PHLPP2: variants seen among roughly 807,000 people sequenced by gnomAD.
The protein encoded by PHLPP2 is PH domain leucine-rich repeat-containing protein phosphatase 2.
In PHLPP2, 66 loss-of-function variants were observed where a neutral mutation model predicts 124.9. The ratio of observed to expected loss-of-function variants is 0.53; its 90% CI spans 0.43 to 0.65. The LOEUF (loss-of-function observed/expected upper bound fraction) is 0.65, where lower values mean the gene tolerates loss of function less well. Ranked by LOEUF, PHLPP2 falls within the 30% of genes least tolerant of loss-of-function variation. The pLI is 0.00. For missense variants in PHLPP2, 1,685 were observed against 1,600.4 expected, an observed-to-expected ratio of 1.05 and a Z score of -0.90; for synonymous variants, 681 against 624.7, an observed-to-expected ratio of 1.09 and a Z score of -1.34.
At chr16:71,711,680 T>G (rs1464246905) in intron 2 of PHLPP2, among the ~76,000 whole-genome samples, 2 of 152,222 alleles carry the variant, frequency 1.3e-5, no homozygotes, top group Non-Finnish European at 2.9e-5. Flanking sequence ...AAGCATTGAT[T>G]ATCATTTCTC....
intron 1 of PHLPP2, among the ~76,000 whole-genome samples, chr16:71,719,614 G>GA (rs879541276): frequency 1.3e-3 from 180 of 135,158 alleles, no homozygotes; most frequent in African/African-American, 2.5e-3. Context: ...AACTATTCTT[G>GA]AAAAAAAAAA....
chr16:71,690,184 C>A (rs1273309976), intron 4 of PHLPP2, among the ~76,000 whole-genome samples: 6 of 152,030 alleles, frequency 3.9e-5, no homozygotes, highest in South Asian at 4.2e-4. Flanking sequence ...GGAAAAAAAA[C>A]CCCGAAAGAA....
intron 6 of PHLPP2, 97 bp from the exon 7 acceptor site, chr16:71,679,632 G>A (rs1029843285): frequency 6.1e-6 from 6 of 975,896 alleles, no homozygotes; most frequent in South Asian, 1.6e-5. Context: ...TATTTTAAAT[G>A]TCTATAATAG....
intron 5 of PHLPP2, among the ~76,000 whole-genome samples, chr16:71,684,171 G>A (rs552295113): frequency 6.7e-6 from 1 of 148,758 alleles, no homozygotes; most frequent in South Asian, 2.2e-4. Context: ...CTGTCATCAG[G>A]CTGGAGTGCA....
Position 71,669,363 on chromosome 16 carries a change from G to T in PHLPP2, c.1540C>A (p.Leu514Ile). The change falls in exon 11 of 19, where the codon CTA becomes ATA. Residue 514 changes from leucine (L) to isoleucine (I), a missense_variant. By Grantham distance (5) the Leu-to-Ile change is conservative. Coordinates refer to ENST00000568954, the MANE Select transcript of PHLPP2 (RefSeq NM_015020.3). ...LTFLDLSRNLLECVPDWACEA... is the reference protein window; with the variant it reads ...LTFLDLSRNLIECVPDWACEA... ...CAGGCCCAGTCAGGGACACACTCTA[G>T]CAGGTTTCTGCAGAAAATAAATAAT... 1 of 1,604,652 alleles carries T rather than the reference G, an allele frequency of 6.2e-7. No individual in the cohort carries two copies. The highest frequency in any genetic ancestry group is 8.5e-7 in the Non-Finnish European group (1 of 1,174,280).
intron 3 of PHLPP2, among the ~76,000 whole-genome samples, chr16:71,693,307 A>G (rs2045134499): frequency 6.6e-6 from 1 of 152,080 alleles, no homozygotes; most frequent in Non-Finnish European, 1.5e-5. Context: ...AAAAAGATCA[A>G]CATGCCTAAA....
intron 2 of PHLPP2, among the ~76,000 whole-genome samples, chr16:71,710,122 T>A (rs1271531096): frequency 6.6e-6 from 1 of 152,190 alleles, no homozygotes; most frequent in Non-Finnish European, 1.5e-5. Context: ...GTGCTAGGAT[T>A]ACAGACTTGA....
At chr16:71,719,150 T>C (rs537064581) in intron 1 of PHLPP2, among the ~76,000 whole-genome samples, 4 of 152,352 alleles carry the variant, frequency 2.6e-5, no homozygotes, top group Non-Finnish European at 4.4e-5. Flanking sequence ...CTTACTCTTA[T>C]AGAATTGTTA....
intron 9 of PHLPP2, among the ~76,000 whole-genome samples, chr16:71,674,382 C>CT (rs371726738): frequency 0.41 from 57,452 of 141,218 alleles, 11,504 homozygotes; most frequent in South Asian, 0.55. Context: ...CAGGCCCAGA[C>CT]TTTTTTTTTT....
chr16:71,676,825 T>C (rs1160057484), intron 8 of PHLPP2, 176 bp from the exon 9 acceptor site: 1 of 575,040 alleles, frequency 1.7e-6, no homozygotes, highest in East Asian at 3.0e-5. Flanking sequence ...CTCGGTTCAC[T>C]GCAACCTCTG....
intron 3 of PHLPP2, among the ~76,000 whole-genome samples, chr16:71,693,229 G>GT (rs2045133352): frequency 6.6e-6 from 1 of 152,194 alleles, no homozygotes; most frequent in African/African-American, 2.4e-5. Flanking sequence ...GGAGGTTGCA[G>GT]TGAGCTGAGA....
intron 13 of PHLPP2, among the ~76,000 whole-genome samples, chr16:71,663,000 T>C (rs1235429317): frequency 6.6e-6 from 1 of 152,230 alleles, no homozygotes; most frequent in African/African-American, 2.4e-5. Flanking sequence ...GGCTAACTAC[T>C]ATTCATCTCT....
intron 13 of PHLPP2, among the ~76,000 whole-genome samples, chr16:71,660,579 C>A (rs973177258): frequency 2.0e-5 from 3 of 151,790 alleles, no homozygotes; most frequent in African/African-American, 4.8e-5. Context: ...GCACCCGCCA[C>A]CATGCCCGGC....
intron 6 of PHLPP2, among the ~76,000 whole-genome samples, chr16:71,680,436 T>C (rs1336798720): frequency 6.6e-6 from 1 of 152,242 alleles, no homozygotes; most frequent in Non-Finnish European, 1.5e-5. Flanking sequence ...GCTTCTATTT[T>C]GTTCATGGAA....
intron 16 of PHLPP2, among the ~76,000 whole-genome samples, chr16:71,655,935 G>A (rs550296713): frequency 3.9e-5 from 6 of 152,290 alleles, no homozygotes; most frequent in African/African-American, 1.4e-4. Context: ...GGAAACAGTC[G>A]CATTCATGGG....
chr16:71,717,954 T>C (rs1016766229), intron 1 of PHLPP2, among the ~76,000 whole-genome samples: 1 of 152,170 alleles, frequency 6.6e-6, no homozygotes, highest in African/African-American at 2.4e-5. Flanking sequence ...TACAGTGGCG[T>C]GATCATAGCC....
chr16:71,692,463 A>T (rs891944990), intron 3 of PHLPP2, among the ~76,000 whole-genome samples: 1 of 152,140 alleles, frequency 6.6e-6, no homozygotes, highest in African/African-American at 2.4e-5. Context: ...CTATTTAACC[A>T]TGTGTTTCCC....
chr16:71,666,307 G>C (rs866048956), intron 12 of PHLPP2: 1 of 152,252 alleles, frequency 6.6e-6, no homozygotes, highest in Admixed American at 6.5e-5. Context: ...CTTGAGTCCA[G>C]GAGTTTGAGA....
chr16:71,680,442 TG>T (rs979178925), intron 6 of PHLPP2, among the ~76,000 whole-genome samples: 1 of 152,226 alleles, frequency 6.6e-6, no homozygotes, highest in Non-Finnish European at 1.5e-5. Context: ...ATTTTGTTCA[TG>T]GAAGTAAAAG....
Sources: allele counts gnomAD v4.1 joint callset (sites outside exome capture counted in the v4.1 genomes callset), GRCh38; gene constraint gnomAD v4.1.1; transcripts MANE v1.5; gene names NCBI Gene and HGNC (gene_info 2026-07-23, HGNC 2026-07-21).